MYO6: variants seen among roughly 807,000 people sequenced by gnomAD.
The protein encoded by MYO6 is myosin VI, also known as unconventional myosin-VI.
In MYO6, 74 loss-of-function variants were observed where a neutral mutation model predicts 178.7. The observed-to-expected ratio is 0.41, with a 90% confidence interval of 0.34 to 0.50. The LOEUF is 0.50. MYO6 is among the 20% of genes least tolerant of loss of function. The pLI, the probability that MYO6 is intolerant of heterozygous loss-of-function variation, is 0.09. For missense variants in MYO6, 1,330 were observed against 1,547.4 expected, an observed-to-expected ratio of 0.86 and a Z score of 2.36; for synonymous variants, 477 against 504.6, an observed-to-expected ratio of 0.95 and a Z score of 0.73.
At chr6:75,759,845 T>G (rs1274824713) in intron 1 of MYO6, among the ~76,000 whole-genome samples, 1 of 152,222 alleles carries the variant, frequency 6.6e-6, no homozygotes, top group Non-Finnish European at 1.5e-5. Flanking sequence ...ATGATCCGTA[T>G]AACCCAACAA....
In MYO6 at chr6:75,904,766, G is replaced by A. The variant is rs201113880; in HGVS notation, c.3177-2839G>A. ...CTCCGTCCAGCTTTGTTCCGTGGCT[G>A]GTGAGGAACTGTGTTCCTTTGGAGG... On this transcript the variant is annotated intron_variant, in intron 30 of 34. Transcript: ENST00000369977. 7.9e-5 allele frequency among the ~76,000 whole-genome samples: 12 copies of A among 152,182 alleles called. No homozygotes were observed. In the East Asian group the frequency reaches 2.3e-3, roughly 29 times the overall value.
In MYO6 at chr6:75,763,830, G is replaced by A. The variant is rs370482749; in HGVS notation, c.-48+14407G>A. ...TAGAGAGATAACTTAAAAACTTACA[G>A]TTGAAAGACAAACTAGTCTTTGAAA... is the stretch of plus-strand genomic sequence containing the variant. On this transcript the variant is annotated intron_variant, in intron 1 of 34. Coordinates refer to ENST00000369977, the MANE Select transcript of MYO6 (RefSeq NM_004999.4). Among the ~76,000 whole-genome samples, 3 of 152,106 alleles carry A rather than the reference G, an allele frequency of 2.0e-5. No individual in the cohort carries two copies. In the East Asian group the frequency reaches 5.8e-4, roughly 29 times the overall value.
intron 3 of MYO6, among the ~76,000 whole-genome samples, chr6:75,825,073 T>C (rs1353280522): frequency 6.6e-6 from 1 of 152,194 alleles, no homozygotes; most frequent in Non-Finnish European, 1.5e-5. Flanking sequence ...CTCTGAGTTT[T>C]CTATGTGAAG....
In MYO6 at chr6:75,886,043, A is replaced by C; in HGVS notation, c.2456A>C (p.Lys819Thr). The C allele has an allele frequency of 6.2e-7, 1 of 1,612,316 alleles. No individual in the cohort carries two copies. The highest frequency in any genetic ancestry group is 8.5e-7 in the Non-Finnish European group (1 of 1,178,756). The part of the protein sequence containing the change: ...KIKYRAEACI[K>T]MQKTIRMWLC... ...AAATATCGAGCTGAAGCCTGCATTA[A>C]AATGCAAAAAACTATTCGAATGTGG... The change falls in exon 24 of 35, where the codon AAA becomes ACA. Residue 819 changes from lysine (K) to threonine (T), a missense_variant. Around this residue, in one of 3 missense-constraint regions of MYO6, gnomAD observed 601 missense variants for 626.1 expected, o/e 0.96. Coordinates refer to ENST00000369977, the MANE Select transcript of MYO6 (RefSeq NM_004999.4).
At chr6:75,847,961 T>C (rs1018790110) in intron 10 of MYO6, among the ~76,000 whole-genome samples, 1 of 152,142 alleles carries the variant, frequency 6.6e-6, no homozygotes, top group African/African-American at 2.4e-5. Flanking sequence ...ATATTTATCA[T>C]TACCTCATTT....
intron 20 of MYO6, among the ~76,000 whole-genome samples, chr6:75,873,865 C>G (rs1470877875): frequency 6.6e-6 from 1 of 152,138 alleles, no homozygotes; most frequent in Non-Finnish European, 1.5e-5. Context: ...CTTAAACTAT[C>G]ACTTCCTACC....
Position 75,817,438 on chromosome 6 carries a change from A to G in MYO6, c.-47-63A>G, listed in dbSNP as rs536989771. ...ACATGTGAACTTTTGAAAAAGATACATTATTTGTTTTATATATATTTCAAA... is the reference window on the plus strand; with the variant it reads ...ACATGTGAACTTTTGAAAAAGATACGTTATTTGTTTTATATATATTTCAAA... On this transcript the variant is annotated intron_variant, in intron 1 of 34. Transcript: ENST00000369977. 7.9e-5 allele frequency: 71 copies of G among 895,562 alleles called. No homozygotes were observed. In the African/African-American group the frequency reaches 9.8e-4, roughly 12 times the overall value. 55.5% of individuals were successfully genotyped at this position (895,562 alleles called of 1,614,324 possible).
Position 75,761,934 on chromosome 6 carries a change from C to CT in MYO6, c.-48+12526dup, listed in dbSNP as rs530262512. Among the ~76,000 whole-genome samples, 616 of 139,646 alleles carry CT rather than the reference C, an allele frequency of 4.4e-3. 3 individuals are homozygous for CT. The highest frequency in any genetic ancestry group is 0.011 in the South Asian group (47 of 4,332). 91.6% of individuals were successfully genotyped at this position (139,646 alleles called of 152,430 possible). On this transcript the variant is annotated intron_variant, in intron 1 of 34. Coordinates refer to ENST00000369977, the MANE Select transcript of MYO6 (RefSeq NM_004999.4). ...CTAGCACAGTATAATTGTAACAGTT[C>CT]TTTTTTTTTTTTTTTAAGACAGAGT...
At chr6:75,862,222 A>C (rs1363699983) in intron 15 of MYO6, among the ~76,000 whole-genome samples, 1 of 152,236 alleles carries the variant, frequency 6.6e-6, no homozygotes, top group Non-Finnish European at 1.5e-5. Context: ...AGTATTATTA[A>C]AAAGCTATGC....
At chr6:75,906,526 A>G (rs1179438459) in intron 30 of MYO6, among the ~76,000 whole-genome samples, 4 of 152,040 alleles carry the variant, frequency 2.6e-5, no homozygotes, top group Admixed American at 6.6e-5. Flanking sequence ...AATTATAAAA[A>G]TTAGCCTGGC....
intron 1 of MYO6, among the ~76,000 whole-genome samples, chr6:75,810,225 C>A (rs759829297): frequency 6.6e-6 from 1 of 152,152 alleles, no homozygotes; most frequent in African/African-American, 2.4e-5. Context: ...TAATCTCGCC[C>A]AGATCCATCC....
intron 1 of MYO6, among the ~76,000 whole-genome samples, chr6:75,778,332 C>T (rs909808122): frequency 3.3e-5 from 5 of 152,144 alleles, no homozygotes; most frequent in Non-Finnish European, 5.9e-5. Context: ...CAGTGGCTCA[C>T]GCCTGTAATC....
chr6:75,886,760 C>T (rs1463320706), intron 24 of MYO6, 84 bp from the exon 25 acceptor site: 11 of 1,276,642 alleles, frequency 8.6e-6, no homozygotes, highest in Non-Finnish European at 1.3e-5. Context: ...AAGTGAAATA[C>T]CCTGTTTAGC....
At chr6:75,844,441 C>A (rs896005350) in intron 9 of MYO6, among the ~76,000 whole-genome samples, 2 of 151,942 alleles carry the variant, frequency 1.3e-5, no homozygotes, top group African/African-American at 2.4e-5. Flanking sequence ...CTCTAAAAAT[C>A]AAAAATTAAG....
chr6:75,818,019 T>G (rs1771460418), intron 2 of MYO6, among the ~76,000 whole-genome samples: 3 of 152,228 alleles, frequency 2.0e-5, no homozygotes, highest in African/African-American at 7.2e-5. Flanking sequence ...AAGTTATTAG[T>G]GTGTCTGTGA....
At chr6:75,891,862 G>T (rs1347775384) in intron 27 of MYO6, among the ~76,000 whole-genome samples, 2 of 152,124 alleles carry the variant, frequency 1.3e-5, no homozygotes. Context: ...GGAACTATGG[G>T]TCACAGTTGT....
At chr6:75,786,494 T>C (rs543160945) in intron 1 of MYO6, among the ~76,000 whole-genome samples, 1 of 152,368 alleles carries the variant, frequency 6.6e-6, no homozygotes, top group South Asian at 2.1e-4. Flanking sequence ...ACATTTTCAG[T>C]AGCATTGAGT....
At chr6:75,815,588 C>T (rs1771147019) in intron 1 of MYO6, among the ~76,000 whole-genome samples, 3 of 152,214 alleles carry the variant, frequency 2.0e-5, no homozygotes, top group Non-Finnish European at 4.4e-5. Context: ...TATGAAGACT[C>T]TTCATCTAAT....
chr6:75,808,442 C>A (rs1436351198), intron 1 of MYO6, among the ~76,000 whole-genome samples: 1 of 152,110 alleles, frequency 6.6e-6, no homozygotes, highest in East Asian at 1.9e-4. Flanking sequence ...CCCTTCTGAC[C>A]TCATTTAATC....
Sources: gnomAD v4.1 joint callset for allele counts (sites outside exome capture counted in the v4.1 genomes callset) on GRCh38, gnomAD v4.1.1 for gene constraint, gnomAD v4.1.1 regional missense constraint, MANE v1.5 for transcripts, NCBI Gene and HGNC (gene_info 2026-07-23, HGNC 2026-07-21) for gene names.